PEX14: variants seen among roughly 807,000 people sequenced by gnomAD.
PEX14 encodes the protein peroxisomal membrane protein PEX14.
In PEX14, 15 loss-of-function variants were observed where a neutral mutation model predicts 49.5. The ratio of observed to expected loss-of-function variants is 0.30; its 90% confidence interval spans 0.20 to 0.47. PEX14 has a LOEUF of 0.47. Ranked by LOEUF, PEX14 falls within the 20% of genes least tolerant of loss-of-function variation. The probability of loss-of-function intolerance (pLI) is 1.00; values close to 1 mark genes in which losing one functional copy is unlikely to be tolerated. For missense variants in PEX14, 398 were observed against 494.8 expected, an observed-to-expected ratio of 0.80 and a Z score of 1.86; for synonymous variants, 210 against 212.7, an observed-to-expected ratio of 0.99 and a Z score of 0.11.
chr1:10,607,218 C>A (rs570892561), intron 4 of PEX14, among the ~76,000 whole-genome samples: 3 of 152,018 alleles, frequency 2.0e-5, no homozygotes, highest in African/African-American at 4.8e-5. Context: ...TGTGCGCATC[C>A]GAAGCCTTTT....
chr1:10,599,495 T>A (rs1640924917), intron 4 of PEX14, 129 bp downstream of exon 4: 3 of 1,099,360 alleles, frequency 2.7e-6, no homozygotes, highest in Middle Eastern at 4.8e-4. Context: ...GCTCTTGGGT[T>A]TTTCCCAAGG....
At chr1:10,507,607 G>A (rs1359701417) in intron 2 of PEX14, among the ~76,000 whole-genome samples, 5 of 152,192 alleles carry the variant, frequency 3.3e-5, no homozygotes, top group African/African-American at 1.2e-4. Flanking sequence ...TATGCCCCTG[G>A]TAGCTTCTAG....
Position 10,600,104 on chromosome 1 carries a change from C to A in PEX14, c.298+738C>A, listed in dbSNP as rs1370696381. On this transcript the variant is annotated intron_variant, in intron 4 of 8. Transcript: ENST00000356607. ...TTGACTACAAAGTTATGGAAAATAG[C>A]TCCATTTTGTTTCTTTAATGAAACT... Among the ~76,000 whole-genome samples, 4 of 152,186 alleles carry A rather than the reference C, an allele frequency of 2.6e-5. No individual in the cohort carries two copies. In the East Asian group the frequency reaches 7.7e-4, roughly 29 times the overall value.
chr1:10,534,175 A>AC (rs960836779), intron 2 of PEX14, among the ~76,000 whole-genome samples: 3 of 152,214 alleles, frequency 2.0e-5, no homozygotes, highest in African/African-American at 7.2e-5. Context: ...CAGCATGCAG[A>AC]CTACCGCATG....
chr1:10,527,545 C>G (rs752543586), intron 2 of PEX14, among the ~76,000 whole-genome samples: 7 of 149,684 alleles, frequency 4.7e-5, no homozygotes, highest in Non-Finnish European at 8.9e-5. Flanking sequence ...AAATTTGTTT[C>G]TAAATTTGAA....
chr1:10,521,395 A>C (rs1356253285), intron 2 of PEX14, among the ~76,000 whole-genome samples: 1 of 152,234 alleles, frequency 6.6e-6, no homozygotes, highest in African/African-American at 2.4e-5. Context: ...AGATGATGTC[A>C]GCTGAGTTTA....
At chr1:10,627,194 C>G (rs915547028) in intron 7 of PEX14, 78 bp from the exon 8 acceptor site, 15 of 960,188 alleles carry the variant, frequency 1.6e-5, no homozygotes, top group Non-Finnish European at 1.7e-5. Flanking sequence ...GCTGCCCCCA[C>G]CCAGGTCCTC....
intron 3 of PEX14, among the ~76,000 whole-genome samples, chr1:10,557,479 G>T (rs540358877): frequency 6.6e-6 from 1 of 152,166 alleles, no homozygotes; most frequent in Non-Finnish European, 1.5e-5. Context: ...CCAGCTGCTC[G>T]GGAGGCTGAG....
At chr1:10,586,017 G>A (rs1200272725) in intron 3 of PEX14, among the ~76,000 whole-genome samples, 4 of 152,186 alleles carry the variant, frequency 2.6e-5, no homozygotes, top group Admixed American at 6.5e-5. Flanking sequence ...TTCAATATAC[G>A]TAAAGCAAAA....
At chr1:10,525,142 C>A (rs1255115985) in intron 2 of PEX14, among the ~76,000 whole-genome samples, 4 of 152,224 alleles carry the variant, frequency 2.6e-5, no homozygotes, top group Non-Finnish European at 4.4e-5. Context: ...GATTTCCTCA[C>A]TGAGCTGAAA....
chr1:10,571,707 G>T (rs7534960), intron 3 of PEX14, among the ~76,000 whole-genome samples: 6,686 of 152,134 alleles, frequency 0.044, 327 homozygotes, highest in African/African-American at 0.11. Context: ...TACTCGAGAG[G>T]CTGAGGCAGG....
chr1:10,511,130 G>A (rs1351630448), intron 2 of PEX14, among the ~76,000 whole-genome samples: 3 of 152,222 alleles, frequency 2.0e-5, no homozygotes, highest in African/African-American at 7.2e-5. Flanking sequence ...TGACTCAGAA[G>A]TTGGAACCCA....
chr1:10,518,793 C>T (rs544073087), intron 2 of PEX14, among the ~76,000 whole-genome samples: 2 of 152,314 alleles, frequency 1.3e-5, no homozygotes, highest in African/African-American at 4.8e-5. Flanking sequence ...TCCGAAGCAT[C>T]TTTGGGCTCT....
At chr1:10,621,003 G>A (rs1447273598) in intron 5 of PEX14, among the ~76,000 whole-genome samples, 2 of 152,212 alleles carry the variant, frequency 1.3e-5, no homozygotes, top group African/African-American at 4.8e-5. Context: ...AGGGCCTGTG[G>A]CCTGACGGGA....
At chr1:10,582,638 C>T (rs1262885110) in intron 3 of PEX14, among the ~76,000 whole-genome samples, 2 of 152,160 alleles carry the variant, frequency 1.3e-5, no homozygotes, top group Non-Finnish European at 2.9e-5. Flanking sequence ...ATGCCTGACT[C>T]TCTCCAGAGT....
intron 4 of PEX14, among the ~76,000 whole-genome samples, chr1:10,605,075 C>T (rs753718882): frequency 2.0e-5 from 3 of 151,684 alleles, no homozygotes; most frequent in Non-Finnish European, 4.4e-5. Context: ...AACATTTATT[C>T]CAGTGTCTCC....
chr1:10,624,635 G>A (rs1174196383), intron 7 of PEX14, among the ~76,000 whole-genome samples, 198 bp downstream of exon 7: 1 of 152,178 alleles, frequency 6.6e-6, no homozygotes, highest in African/African-American at 2.4e-5. Context: ...TCAGTGTGAC[G>A]TTTAACTGTC....
At chr1:10,576,290 T>C (rs548628055) in intron 3 of PEX14, among the ~76,000 whole-genome samples, 22 of 152,204 alleles carry the variant, frequency 1.4e-4, no homozygotes, top group Non-Finnish European at 2.6e-4. Context: ...AATTATTAAA[T>C]AGTAATAATT....
rs1206537966 is a variant in PEX14, at chr1:10,629,306, C to T, written c.678-225C>T. Among the ~76,000 whole-genome samples, 2 of 152,182 alleles carry T rather than the reference C, an allele frequency of 1.3e-5. No individual in the cohort carries two copies. Among genetic ancestry groups the T allele is most frequent in the East Asian group, 1.9e-4 (1 of 5,192 alleles). On this transcript the variant is annotated intron_variant, in intron 8 of 8. Transcript: ENST00000356607. This position sits in a 1 kb window ranked among gnomAD's most constrained non-coding sequence, Gnocchi z 8.5. ...GCCCAGGGTGGGGGCCCGGGGGGAC[C>T]CTGGGCTGTCTGTGGGGGCACAGGA...
Sources: gnomAD v4.1 joint callset for allele counts (sites outside exome capture counted in the v4.1 genomes callset) on GRCh38, gnomAD v4.1.1 for gene constraint, Gnocchi (gnomAD v3.1) non-coding constraint, MANE v1.5 for transcripts, NCBI Gene and HGNC (gene_info 2026-07-23, HGNC 2026-07-21) for gene names.